The following ABCB11 variants were observed in gnomAD, a reference collection of about 807,000 sequenced individuals.
ABCB11 encodes the protein ATP binding cassette subfamily B member 11.
ABCB11 carries 95 observed loss-of-function variants against 148.0 expected under a neutral mutation model. The observed-to-expected ratio is 0.64, with a 90% CI of 0.54 to 0.76. ABCB11 has a LOEUF of 0.76. ABCB11 is among the 30% of genes least tolerant of loss of function. The probability of loss-of-function intolerance (pLI) is 0.00; values close to 1 mark genes in which losing one functional copy is unlikely to be tolerated. For missense variants in ABCB11, 1,523 were observed against 1,617.8 expected (o/e 0.94, Z 1.01); for synonymous variants, 591 against 555.4 (o/e 1.06, Z -0.90).
At chr2:168,916,105 ACT>A (rs1439109810), downstream of ABCB11, among the ~76,000 whole-genome samples, 1 of 152,194 alleles carries the variant, frequency 6.6e-6, no homozygotes, top group Non-Finnish European at 1.5e-5. Flanking sequence ...TGTTATTGAA[ACT>A]CTGCTCATTT....
intron 1 of ABCB11, among the ~76,000 whole-genome samples, chr2:169,026,058 T>A (rs1695684382): frequency 6.6e-6 from 1 of 152,208 alleles, no homozygotes; most frequent in Non-Finnish European, 1.5e-5. Context: ...TGGTATTTTG[T>A]GGGTTGCACA....
chr2:169,027,382 A>T (rs1695732757), intron 1 of ABCB11, among the ~76,000 whole-genome samples: 1 of 152,242 alleles, frequency 6.6e-6, no homozygotes, highest in African/African-American at 2.4e-5. Context: ...GTGGTCTATA[A>T]CCTGCACACT....
chr2:168,933,683 T>C (rs1476503392), intron 23 of ABCB11, among the ~76,000 whole-genome samples: 2 of 152,192 alleles, frequency 1.3e-5, no homozygotes, highest in Non-Finnish European at 2.9e-5. Flanking sequence ...AAATGGAAAA[T>C]GGTGGAAGAT....
At chr2:168,945,960 CG>C (rs1692286919) in intron 19 of ABCB11, among the ~76,000 whole-genome samples, 1 of 151,890 alleles carries the variant, frequency 6.6e-6, no homozygotes, top group Middle Eastern at 3.2e-3. Flanking sequence ...TAAAAAACTA[CG>C]GCCATTGTGA....
At position 168,968,130 on chromosome 2, in the gene ABCB11, A is replaced by ATTT. The variant is rs4000815; in HGVS notation, c.2075+294_2075+296dup. Among the ~76,000 whole-genome samples the ATTT allele has an allele frequency of 0.098, 9,914 of 101,402 alleles. 506 individuals are homozygous for ATTT. Among genetic ancestry groups the ATTT allele is most frequent in the African/African-American group, 0.17 (5,521 of 32,812 alleles). 66.5% of individuals were successfully genotyped at this position (101,402 alleles called of 152,430 possible). A position where few individuals can be genotyped will look rare whatever the true frequency, so the allele number is the denominator to read the frequency against. ...TGGAGCAGAGGAACACTAAACACAG[A>ATTT]TTTTTTTTAAAAGAAGTCCCCTTTC... On this transcript the variant is annotated intron_variant, in intron 17 of 27. Coordinates refer to ENST00000650372, the MANE Select transcript of ABCB11 (RefSeq NM_003742.4).
intron 4 of ABCB11, 98 bp from the exon 5 acceptor site, chr2:169,013,608 C>A (rs1201696312): frequency 2.2e-6 from 2 of 911,274 alleles, no homozygotes; most frequent in South Asian, 1.7e-5. Context: ...GAATAGTACT[C>A]AACACCAAAT....
chr2:168,923,903 A>T (rs986051603), intron 27 of ABCB11, 81 bp from the exon 28 acceptor site: 1 of 1,335,016 alleles, frequency 7.5e-7, no homozygotes, highest in Non-Finnish European at 1.1e-6. Flanking sequence ...AGTTAACACG[A>T]CCTGAATAAC....
chr2:168,932,536 G>A lies in ABCB11; in HGVS notation c.3057-3C>T, dbSNP rs745813504. On this transcript the variant is annotated splice_region_variant and splice_polypyrimidine_tract_variant and intron_variant, in intron 23 of 27. Coordinates refer to ENST00000650372, the MANE Select transcript of ABCB11 (RefSeq NM_003742.4). ...TCAGTACAACTGCAGAGATCACCCT[G>A]TAACCAGACAGACACACAGGAAGAG... 3 of 1,612,780 alleles carry A rather than the reference G, an allele frequency of 1.9e-6. No homozygotes were observed. The African/African-American group carries it at 4.0e-5, about 22-fold the overall frequency.
At chr2:169,016,134 C>T (rs3770601) in intron 3 of ABCB11, among the ~76,000 whole-genome samples, 12,460 of 152,168 alleles carry the variant, frequency 0.082, 574 homozygotes, top group East Asian at 0.21. Flanking sequence ...AAACTTCCCA[C>T]GCAATAAGAA....
chr2:168,916,824 C>A (rs1040957662), downstream of ABCB11, among the ~76,000 whole-genome samples: 5 of 152,088 alleles, frequency 3.3e-5, no homozygotes, highest in African/African-American at 1.2e-4. Context: ...CTCTAACATC[C>A]TTTTGTGCCT....
chr2:168,977,749 T>A (rs1044580820), intron 11 of ABCB11, among the ~76,000 whole-genome samples: 5 of 152,126 alleles, frequency 3.3e-5, no homozygotes, highest in Non-Finnish European at 5.9e-5. Flanking sequence ...GCAAAGCATG[T>A]CTTACATGGT....
rs2105899342 is a variant in ABCB11, at chr2:168,936,441, C to T, written c.2611-8G>A. The T allele has an allele frequency of 1.2e-6, 2 of 1,613,652 alleles. No individual in the cohort carries two copies. The highest frequency in any genetic ancestry group is 1.7e-6 in the Non-Finnish European group (2 of 1,179,822). On this transcript the variant is annotated splice_polypyrimidine_tract_variant and splice_region_variant and intron_variant, in intron 21 of 27. Transcript: ENST00000650372. ...GATCTGAGAGCCGGCAGCCTGCAAA[C>T]CAAAAAGCAATCAACCCGTCTCAGA...
At chr2:168,994,541 A>G (rs1019931111) in intron 7 of ABCB11, among the ~76,000 whole-genome samples, 3 of 152,064 alleles carry the variant, frequency 2.0e-5, no homozygotes, top group Admixed American at 6.6e-5. Flanking sequence ...AATAATGAGG[A>G]TTAAAGTAGC....
intron 6 of ABCB11, among the ~76,000 whole-genome samples, chr2:168,996,260 G>A (rs1042620376): frequency 2.0e-5 from 3 of 151,946 alleles, no homozygotes; most frequent in Non-Finnish European, 2.9e-5. Context: ...TTAGCAATGC[G>A]AGAAAAAGAA....
chr2:169,013,911 A>C (rs146437119), intron 4 of ABCB11, among the ~76,000 whole-genome samples: 73 of 152,326 alleles, frequency 4.8e-4, no homozygotes, highest in Non-Finnish European at 3.5e-4. Context: ...GATAGTGACT[A>C]TGAAGAATGC....
intron 25 of ABCB11, among the ~76,000 whole-genome samples, chr2:168,929,466 TTGAC>T (rs1432978075): frequency 6.6e-6 from 1 of 152,202 alleles, no homozygotes; most frequent in African/African-American, 2.4e-5. Context: ...AACTCACTAT[TTGAC>T]TGAAGGATGA....
chr2:168,941,567 C>T (rs954056639), intron 21 of ABCB11, among the ~76,000 whole-genome samples: 1 of 152,042 alleles, frequency 6.6e-6, no homozygotes, highest in Non-Finnish European at 1.5e-5. Context: ...TATGGATAAG[C>T]AAACTGGTTT....
chr2:168,947,640 G>A (rs1377891275), intron 19 of ABCB11, among the ~76,000 whole-genome samples: 1 of 151,706 alleles, frequency 6.6e-6, no homozygotes, highest in Non-Finnish European at 1.5e-5. Context: ...TGAGAAGAAA[G>A]CATCATGAGT....
chr2:168,980,065 C>T, intron 10 of ABCB11, 86 bp from the exon 11 acceptor site: 1 of 724,308 alleles, frequency 1.4e-6, no homozygotes, highest in East Asian at 3.0e-5. Flanking sequence ...CATGTTAACG[C>T]AGAGAGTTAT....
Sources: gnomAD v4.1 joint callset for allele counts (sites outside exome capture counted in the v4.1 genomes callset) on GRCh38, gnomAD v4.1.1 for gene constraint, MANE v1.5 for transcripts, NCBI Gene and HGNC (gene_info 2026-07-23, HGNC 2026-07-21) for gene names.